SLC44A5: variants seen among roughly 807,000 people sequenced by gnomAD.
SLC44A5 encodes choline transporter-like protein 5.
Under a neutral mutation model 101.8 loss-of-function variants are expected in SLC44A5, and 57 were observed. The observed-to-expected ratio is 0.56, with a 90% CI of 0.45 to 0.70. The LOEUF is 0.70. Ranked by LOEUF, SLC44A5 falls within the 30% of genes least tolerant of loss-of-function variation. The pLI is 0.00. For missense variants in SLC44A5, 737 were observed against 853.1 expected (o/e 0.86, Z 1.70); for synonymous variants, 281 against 290.9 (o/e 0.97, Z 0.35).
rs535388733 is a variant in SLC44A5, at chr1:75,262,304, C to T, written c.261-11010G>A. Among the ~76,000 whole-genome samples the T allele has an allele frequency of 2.1e-4, 32 of 152,288 alleles. 1 individual carries two copies. In the South Asian group the frequency reaches 6.6e-3, roughly 32 times the overall value. On this transcript the variant is annotated intron_variant, in intron 6 of 23. Transcript: ENST00000370859. ...TCAGCAAAGTCTCAGGATACAAAAT[C>T]AATGTGCAAAAAGCACAAGCATTCC...
intron 1 of SLC44A5, among the ~76,000 whole-genome samples, chr1:75,576,227 A>G (rs1673354428): frequency 6.6e-6 from 1 of 151,994 alleles, no homozygotes; most frequent in South Asian, 2.1e-4. Flanking sequence ...TAGATGGAGA[A>G]ATGAAGATGG....
intron 2 of SLC44A5, among the ~76,000 whole-genome samples, chr1:75,472,644 T>C (rs922129004): frequency 7.2e-5 from 11 of 152,106 alleles, no homozygotes; most frequent in Non-Finnish European, 1.2e-4. Flanking sequence ...AAAATACAAG[T>C]TTTTCATTTA....
chr1:75,671,999 A>C, the SLC44A5 span, among the ~76,000 whole-genome samples: 5 of 152,208 alleles, frequency 3.3e-5, no homozygotes, highest in Admixed American at 6.6e-5. Flanking sequence ...GGCCTTCTAG[A>C]AACCTCCAGT....
At chr1:75,375,677 A>G (rs372602538) in intron 3 of SLC44A5, among the ~76,000 whole-genome samples, 1 of 152,266 alleles carries the variant, frequency 6.6e-6, no homozygotes, top group African/African-American at 2.4e-5. Context: ...AAGCCAGAAT[A>G]GACCTGGAGG....
chr1:75,717,694 C>T, the SLC44A5 span, among the ~76,000 whole-genome samples: 2 of 152,176 alleles, frequency 1.3e-5, no homozygotes, highest in African/African-American at 2.4e-5. Flanking sequence ...TCATGGGACT[C>T]ATCCCAGCAA....
chr1:75,428,536 G>T (rs1034656901), intron 2 of SLC44A5, among the ~76,000 whole-genome samples: 1 of 152,084 alleles, frequency 6.6e-6, no homozygotes, highest in Non-Finnish European at 1.5e-5. Context: ...AATGTGATCC[G>T]ATCAGATGTT....
chr1:75,511,924 A>G (rs6673729), intron 2 of SLC44A5, among the ~76,000 whole-genome samples: 2,323 of 152,310 alleles, frequency 0.015, 59 homozygotes, highest in African/African-American at 0.053. Flanking sequence ...TCTCAACTAC[A>G]TAGCTAGGAC....
intron 12 of SLC44A5, among the ~76,000 whole-genome samples, chr1:75,231,016 G>C (rs1647511846): frequency 6.6e-6 from 1 of 152,202 alleles, no homozygotes; most frequent in African/African-American, 2.4e-5. Context: ...TTTTCTTGCA[G>C]GTCAGGTAGT....
At chr1:75,416,795 C>A (rs1448837202) in intron 2 of SLC44A5, among the ~76,000 whole-genome samples, 1 of 152,208 alleles carries the variant, frequency 6.6e-6, no homozygotes, top group African/African-American at 2.4e-5. Context: ...AATTTGACTA[C>A]CCTGTTGGAT....
intron 3 of SLC44A5, among the ~76,000 whole-genome samples, chr1:75,355,933 T>C (rs1461081216): frequency 6.6e-6 from 1 of 152,184 alleles, no homozygotes; most frequent in East Asian, 1.9e-4. Flanking sequence ...CTGGGCCTCT[T>C]GAAGTCAGTG....
At chr1:75,641,311 A>C in the SLC44A5 span, 2 of 668,464 alleles carry the variant, frequency 3.0e-6, no homozygotes, top group Non-Finnish European at 5.3e-6. Context: ...TCAGACTGCC[A>C]AAGATGTTGG....
intron 2 of SLC44A5, among the ~76,000 whole-genome samples, chr1:75,473,860 G>T (rs1553186602): frequency 6.6e-6 from 1 of 151,920 alleles, no homozygotes; most frequent in Non-Finnish European, 1.5e-5. Flanking sequence ...CTAGCTGGTG[G>T]CAGTATATTT....
chr1:75,629,558 C>T, the SLC44A5 span, among the ~76,000 whole-genome samples: 2 of 152,150 alleles, frequency 1.3e-5, no homozygotes, highest in South Asian at 4.1e-4. Flanking sequence ...TTTCTTCCTC[C>T]TTGAATCTAA....
At chr1:75,435,573 G>A (rs1436432840) in intron 2 of SLC44A5, among the ~76,000 whole-genome samples, 1 of 151,954 alleles carries the variant, frequency 6.6e-6, no homozygotes, top group Non-Finnish European at 1.5e-5. Context: ...ACACAACTGT[G>A]GAAAGAAAGA....
chr1:75,677,058 G>C, the SLC44A5 span, among the ~76,000 whole-genome samples: 1 of 152,046 alleles, frequency 6.6e-6, no homozygotes, highest in Non-Finnish European at 1.5e-5. Flanking sequence ...AACATAAGCT[G>C]AGGGATTTCA....
At chr1:75,470,534 C>A (rs1029898166) in intron 2 of SLC44A5, among the ~76,000 whole-genome samples, 1 of 151,972 alleles carries the variant, frequency 6.6e-6, no homozygotes, top group Non-Finnish European at 1.5e-5. Context: ...TGAAGACTAC[C>A]AAGATAGGGA....
intron 4 of SLC44A5, among the ~76,000 whole-genome samples, chr1:75,309,731 G>A (rs541789107): frequency 1.5e-4 from 23 of 152,078 alleles, no homozygotes; most frequent in Admixed American, 2.6e-4. Context: ...ATAGGCATTC[G>A]GTACATACCT....
At chr1:75,333,529 A>G (rs960426285) in intron 4 of SLC44A5, among the ~76,000 whole-genome samples, 2 of 151,950 alleles carry the variant, frequency 1.3e-5, no homozygotes, top group African/African-American at 4.8e-5. Flanking sequence ...AATAACCTAA[A>G]AACTCTGTAG....
intron 4 of SLC44A5, among the ~76,000 whole-genome samples, chr1:75,332,723 C>T (rs1196241527): frequency 2.6e-5 from 4 of 152,160 alleles, no homozygotes; most frequent in Admixed American, 2.6e-4. Flanking sequence ...TAAGTGACCT[C>T]AAAGTCCTTT....
Sources: gnomAD v4.1 joint callset for allele counts (sites outside exome capture counted in the v4.1 genomes callset) on GRCh38, gnomAD v4.1.1 for gene constraint, MANE v1.5 for transcripts, NCBI Gene and HGNC (gene_info 2026-07-23, HGNC 2026-07-21) for gene names.